Variants in GARIN2 observed in about 807,000 individuals in gnomAD.
GARIN2 encodes the protein Golgi-associated RAB2 interactor protein 2.
chr14:67,199,071 A>C, the GARIN2 span: 9 of 882,142 alleles, frequency 1.0e-5, no homozygotes, highest in Non-Finnish European at 1.7e-5. Context: ...CATGGCTACC[A>C]GGCCGATCTC....
At chr14:67,221,330 C>T in the GARIN2 span, among the ~76,000 whole-genome samples, 2 of 152,182 alleles carry the variant, frequency 1.3e-5, no homozygotes, top group African/African-American at 2.4e-5. Flanking sequence ...TTGGTGATTT[C>T]TCCTAACCAT....
At chr14:67,195,713 TTGTGTGTGTGTGTGTGTG>T in the GARIN2 span, among the ~76,000 whole-genome samples, 18 of 143,232 alleles carry the variant, frequency 1.3e-4, no homozygotes, top group Admixed American at 2.8e-4. Context: ...TTCTTTTTGG[TTGTGTGTGTGTGTGTGTG>T]TGTGTGTGTG....
chr14:67,192,874 A>G, the GARIN2 span, among the ~76,000 whole-genome samples: 3 of 146,648 alleles, frequency 2.0e-5, no homozygotes, highest in African/African-American at 4.9e-5. Flanking sequence ...ATATAGATAT[A>G]TAGATATATA....
At chr14:67,202,657 T>C in the GARIN2 span, among the ~76,000 whole-genome samples, 1 of 152,182 alleles carries the variant, frequency 6.6e-6, no homozygotes, top group Non-Finnish European at 1.5e-5. Context: ...GAATATTGCA[T>C]ATTATTTGTA....
the GARIN2 span, chr14:67,204,558 G>A: frequency 6.2e-7 from 1 of 1,613,274 alleles, no homozygotes; most frequent in Non-Finnish European, 8.5e-7. Context: ...TGCAGTTTGT[G>A]ACTCTTTCTG....
chr14:67,193,137 G>GATATCTCTCTATATATCTCTATATAA, the GARIN2 span, among the ~76,000 whole-genome samples: 1 of 127,912 alleles, frequency 7.8e-6, no homozygotes, highest in Non-Finnish European at 1.7e-5. Flanking sequence ...TCTCTATATA[G>GATATCTCTCTATATATCTCTATATAA]ACATCTATCT....
the GARIN2 span, among the ~76,000 whole-genome samples, chr14:67,202,091 A>G: frequency 8.5e-5 from 13 of 152,304 alleles, no homozygotes; most frequent in Non-Finnish European, 1.9e-4. Context: ...GAACTGGTCG[A>G]TTGGTACGTG....
chr14:67,213,016 G>T, the GARIN2 span, among the ~76,000 whole-genome samples: 9 of 151,410 alleles, frequency 5.9e-5, no homozygotes, highest in African/African-American at 2.2e-4. Flanking sequence ...CCTGGGAACT[G>T]GTTAAAGATG....
the GARIN2 span, among the ~76,000 whole-genome samples, chr14:67,211,164 T>C: frequency 2.0e-5 from 3 of 152,322 alleles, no homozygotes; most frequent in Non-Finnish European, 4.4e-5. Flanking sequence ...GTAGAATTGC[T>C]ATAAGGATTA....
the GARIN2 span, chr14:67,202,954 G>A: frequency 5.5e-6 from 5 of 906,880 alleles, no homozygotes; most frequent in East Asian, 2.7e-5. Flanking sequence ...CCAAGAATTA[G>A]CATGAGCAAG....
the GARIN2 span, among the ~76,000 whole-genome samples, chr14:67,225,979 G>A: frequency 7.6e-5 from 11 of 144,766 alleles, no homozygotes; most frequent in South Asian, 2.1e-4. Context: ...GCGCGCGTGC[G>A]CATGCGCGTG....
the GARIN2 span, among the ~76,000 whole-genome samples, chr14:67,215,705 T>A: frequency 4.6e-5 from 7 of 152,294 alleles, no homozygotes; most frequent in East Asian, 1.3e-3. Flanking sequence ...TAAGGTTTAT[T>A]TAAAAAAACA....
At chr14:67,209,963 G>A in the GARIN2 span, among the ~76,000 whole-genome samples, 1 of 151,960 alleles carries the variant, frequency 6.6e-6, no homozygotes, top group South Asian at 2.1e-4. Flanking sequence ...AACTACTTGA[G>A]AAGGAATCAA....
the GARIN2 span, among the ~76,000 whole-genome samples, chr14:67,220,080 A>G: frequency 6.6e-6 from 1 of 152,088 alleles, no homozygotes; most frequent in Admixed American, 6.6e-5. Flanking sequence ...TATATATATT[A>G]TTTTTCTTTT....
chr14:67,221,712 G>A, the GARIN2 span: 2 of 1,588,914 alleles, frequency 1.3e-6, no homozygotes, highest in Non-Finnish European at 1.7e-6. Context: ...TTTATATCTA[G>A]TAGATCTTTT....
the GARIN2 span, among the ~76,000 whole-genome samples, chr14:67,214,109 A>G: frequency 1.3e-4 from 20 of 152,220 alleles, no homozygotes; most frequent in South Asian, 1.2e-3. Context: ...CTCCCATTTT[A>G]TAGGTTGGCT....
chr14:67,198,165 A>G, the GARIN2 span: 1 of 1,542,844 alleles, frequency 6.5e-7, no homozygotes, highest in Non-Finnish European at 8.6e-7. Flanking sequence ...AAGCGCAATG[A>G]AGAAGAACAC....
At chr14:67,195,735 G>A in the GARIN2 span, among the ~76,000 whole-genome samples, 94 of 151,778 alleles carry the variant, frequency 6.2e-4, no homozygotes, top group African/African-American at 2.1e-3. Flanking sequence ...GTGTGTGTGT[G>A]TGTGTGTGTG....
the GARIN2 span, among the ~76,000 whole-genome samples, chr14:67,217,290 A>G: frequency 6.6e-6 from 1 of 151,738 alleles, no homozygotes; most frequent in Non-Finnish European, 1.5e-5. Flanking sequence ...TTCAGTCTAT[A>G]TGCATCTTTA....
Sources: gnomAD v4.1 joint callset for allele counts (sites outside exome capture counted in the v4.1 genomes callset) on GRCh38, gnomAD v4.1.1 for gene constraint, MANE v1.5 for transcripts, NCBI Gene and HGNC (gene_info 2026-07-23, HGNC 2026-07-21) for gene names.